OSBPL6: variants seen among roughly 807,000 people sequenced by gnomAD.
OSBPL6 encodes oxysterol-binding protein-related protein 6.
Under a neutral mutation model 125.8 loss-of-function variants are expected in OSBPL6, and 49 were observed. The ratio of observed to expected loss-of-function variants is 0.39; its 90% CI spans 0.31 to 0.49. OSBPL6 has a LOEUF of 0.49. Among genes scored for constraint, OSBPL6 ranks in the 20% least tolerant of loss-of-function variants. The probability of loss-of-function intolerance (pLI) is 0.88; values close to 1 mark genes in which losing one functional copy is unlikely to be tolerated. For missense variants in OSBPL6, 986 were observed against 1,135.4 expected (o/e 0.87, Z 1.89); for synonymous variants, 394 against 391.8 (o/e 1.01, Z -0.07).
intron 1 of OSBPL6, chr2:178,230,299 T>C (rs2090762652): frequency 6.6e-6 from 1 of 152,196 alleles, no homozygotes; most frequent in Non-Finnish European, 1.5e-5. Context: ...TGGAGGAAGT[T>C]GTTCTGTTCC....
chr2:178,345,084 A>G (rs1253206335), intron 11 of OSBPL6, among the ~76,000 whole-genome samples: 2 of 152,248 alleles, frequency 1.3e-5, no homozygotes, highest in Admixed American at 6.5e-5. Flanking sequence ...TCTACAGAAT[A>G]TAAAATAGAC....
intron 3 of OSBPL6, among the ~76,000 whole-genome samples, chr2:178,320,760 T>G (rs1486935614): frequency 3.9e-5 from 6 of 152,234 alleles, no homozygotes; most frequent in African/African-American, 1.2e-4. Context: ...AGCTTTAAAT[T>G]GAATAAGTAA....
intron 4 of OSBPL6, among the ~76,000 whole-genome samples, chr2:178,327,934 G>C (rs1007284097): frequency 2.0e-5 from 3 of 152,142 alleles, no homozygotes; most frequent in African/African-American, 7.2e-5. Context: ...TCTGTGTTCA[G>C]GGATTCACTG....
chr2:178,395,385 A>T (rs1198099088), intron 24 of OSBPL6, 66 bp from the exon 25 acceptor site: 4 of 1,113,104 alleles, frequency 3.6e-6, no homozygotes, highest in Non-Finnish European at 5.4e-6. Context: ...AATCTATAGG[A>T]GAGGGTCCTA....
At chr2:178,293,950 A>G (rs1444985414) in intron 2 of OSBPL6, among the ~76,000 whole-genome samples, 5 of 152,274 alleles carry the variant, frequency 3.3e-5, no homozygotes, top group Non-Finnish European at 4.4e-5. Flanking sequence ...TTAACTCAAA[A>G]TAGATCACAG....
At chr2:178,311,256 C>T (rs1687242411) in intron 3 of OSBPL6, among the ~76,000 whole-genome samples, 1 of 152,126 alleles carries the variant, frequency 6.6e-6, no homozygotes, top group African/African-American at 2.4e-5. Context: ...GGTCCCCTCA[C>T]CCTCACCTGC....
At chr2:178,367,573 A>T (rs1378590061) in intron 13 of OSBPL6, among the ~76,000 whole-genome samples, 1 of 152,234 alleles carries the variant, frequency 6.6e-6, no homozygotes, top group Non-Finnish European at 1.5e-5. Flanking sequence ...ATCTTCACCT[A>T]GGAATTACCT....
rs550626330 is a variant in OSBPL6 at position 178,254,168 on chromosome 2, C to T, written c.-350-30759C>T. Among the ~76,000 whole-genome samples the T allele has an allele frequency of 1.2e-4, 19 of 152,078 alleles. No individual in the cohort carries two copies. The East Asian group carries it at 1.9e-3, about 15-fold the overall frequency. ...CAACACTTTGGGAGGCCGAGGTGGG[C>T]GGATCACGAGGTCAGGAGTTCGAGA... On this transcript the variant is annotated intron_variant, in intron 1 of 24. Coordinates refer to ENST00000190611, the MANE Select transcript of OSBPL6 (RefSeq NM_032523.4).
intron 18 of OSBPL6, among the ~76,000 whole-genome samples, chr2:178,385,167 T>A (rs1290382195): frequency 3.3e-5 from 5 of 152,020 alleles, no homozygotes; most frequent in Admixed American, 2.6e-4. Flanking sequence ...CAAACCACCA[T>A]GGCACGTGTA....
intron 1 of OSBPL6, among the ~76,000 whole-genome samples, chr2:178,278,116 T>A (rs1363658165): frequency 6.6e-6 from 1 of 152,236 alleles, no homozygotes; most frequent in Non-Finnish European, 1.5e-5. Context: ...TGAAATGTCC[T>A]TTATTCATCC....
At chr2:178,243,753 A>G (rs915096625) in intron 1 of OSBPL6, among the ~76,000 whole-genome samples, 3 of 152,150 alleles carry the variant, frequency 2.0e-5, no homozygotes, top group Non-Finnish European at 2.9e-5. Context: ...TCCAGGTTCA[A>G]GCGATTCTCC....
At chr2:178,276,500 G>A (rs1019378914) in intron 1 of OSBPL6, among the ~76,000 whole-genome samples, 4 of 151,130 alleles carry the variant, frequency 2.6e-5, no homozygotes, top group East Asian at 2.0e-4. Context: ...AGCCTCCCAA[G>A]TAGCTGGGAT....
intron 2 of OSBPL6, among the ~76,000 whole-genome samples, chr2:178,302,202 T>C (rs1221023877): frequency 2.0e-5 from 3 of 152,224 alleles, no homozygotes; most frequent in African/African-American, 4.8e-5. Flanking sequence ...GCAATACTTG[T>C]AGTGTTCCCA....
At position 178,200,905 on chromosome 2, in the gene OSBPL6, C is replaced by T. The variant is rs112711237; in HGVS notation, c.-351+6231C>T. On this transcript the variant is annotated intron_variant, in intron 1 of 24. Coordinates refer to ENST00000190611, the MANE Select transcript of OSBPL6 (RefSeq NM_032523.4). ...CTGCCTCCCAGGTTCACACCTTTCT[C>T]CTGCCTCAGCCTCCCGAGTAGCTGG... Among the ~76,000 whole-genome samples the T allele has an allele frequency of 5.3e-5, 8 of 152,156 alleles. 1 individual carries two copies. The highest frequency in any genetic ancestry group is 1.9e-4 in the African/African-American group (8 of 41,520).
intron 3 of OSBPL6, among the ~76,000 whole-genome samples, chr2:178,320,680 A>G (rs572648100): frequency 4.6e-5 from 7 of 152,350 alleles, no homozygotes; most frequent in Middle Eastern, 3.4e-3. Flanking sequence ...AAGCCTTATG[A>G]AAAGAACTGA....
intron 1 of OSBPL6, among the ~76,000 whole-genome samples, chr2:178,232,597 G>A (rs1213141135): frequency 6.6e-6 from 1 of 152,138 alleles, no homozygotes; most frequent in Non-Finnish European, 1.5e-5. Context: ...ATAATCATTA[G>A]CTGCTATTAT....
chr2:178,310,412 CTTTTTTTTTTTTT>C (rs71023440), intron 3 of OSBPL6, among the ~76,000 whole-genome samples: 25 of 85,714 alleles, frequency 2.9e-4, no homozygotes, highest in Admixed American at 1.2e-3. Flanking sequence ...AAACTGAACT[CTTTTTTTTTTTTT>C]TTTTTTTTTT....
Position 178,332,587 on chromosome 2 carries a change from A to G in OSBPL6, c.373-54A>G. On this transcript the variant is annotated intron_variant, in intron 6 of 24. Transcript: ENST00000190611. The stretch of plus-strand genomic sequence containing the variant: ...CTTTGAGTTCACTTAAATACAGTAC[A>G]GAAACATCAAATCATATATCCTTTC... 4 of 1,327,222 alleles carry G rather than the reference A, an allele frequency of 3.0e-6. No homozygotes were observed. In the South Asian group the frequency reaches 3.6e-5, roughly 12 times the overall value. 82.2% of individuals were successfully genotyped at this position (1,327,222 alleles called of 1,614,324 possible).
Position 178,339,029 on chromosome 2 carries a change from A to G in OSBPL6, c.829A>G (p.Lys277Glu). Residue 277 changes from lysine (K) to glutamate (E), a missense_variant, in exon 10 of 25, where the codon AAA becomes GAA. Lys to Glu is a moderately conservative substitution (Grantham distance 56). This residue lies in a region of OSBPL6 where 843 missense variants were observed against 997.3 expected (regional missense o/e 0.85). Transcript: ENST00000190611. ...HCQSNLVELS[K>E]LLQNLEILQR... ...CCAGTCAAACCTTGTGGAACTTAGC[A>G]AACTCCTGCAAAATTTGGAAATACT... is the stretch of plus-strand genomic sequence containing the variant. 4 of 1,613,558 alleles carry G rather than the reference A, an allele frequency of 2.5e-6. No homozygotes were observed. Among genetic ancestry groups the G allele is most frequent in the Non-Finnish European group, 3.4e-6 (4 of 1,179,752 alleles).
Sources: allele counts gnomAD v4.1 joint callset (sites outside exome capture counted in the v4.1 genomes callset), GRCh38; gene constraint gnomAD v4.1.1; regional missense constraint gnomAD v4.1.1; transcripts MANE v1.5; gene names NCBI Gene and HGNC (gene_info 2026-07-23, HGNC 2026-07-21).